SMYD3: variants seen among roughly 807,000 people sequenced by gnomAD.
SMYD3 encodes the protein histone-lysine N-methyltransferase SMYD3.
Under a neutral mutation model 57.7 loss-of-function variants are expected in SMYD3, and 36 were observed. That is an observed-to-expected ratio of 0.62 (90% confidence interval 0.48 to 0.82). The LOEUF (loss-of-function observed/expected upper bound fraction) is 0.82, where lower values mean the gene tolerates loss of function less well. Ranked by LOEUF, SMYD3 falls within the 40% of genes least tolerant of loss-of-function variation. The pLI, the probability that SMYD3 is intolerant of heterozygous loss-of-function variation, is 0.00. For missense variants in SMYD3, 515 were observed against 538.8 expected, an observed-to-expected ratio of 0.96 and a Z score of 0.44; for synonymous variants, 211 against 195.0, an observed-to-expected ratio of 1.08 and a Z score of -0.68.
At chr1:245,965,064 A>G (rs1558540163) in intron 5 of SMYD3, among the ~76,000 whole-genome samples, 1 of 152,176 alleles carries the variant, frequency 6.6e-6, no homozygotes, top group Non-Finnish European at 1.5e-5. Flanking sequence ...AAGAAAAAAA[A>G]TATTTAAAAA....
chr1:245,842,100 C>T (rs2050430630), intron 10 of SMYD3, among the ~76,000 whole-genome samples: 1 of 152,164 alleles, frequency 6.6e-6, no homozygotes, highest in African/African-American at 2.4e-5. Context: ...AGTAGGATTT[C>T]ACAATCTAGG....
intron 5 of SMYD3, among the ~76,000 whole-genome samples, chr1:246,217,386 A>T (rs10802355): frequency 6.6e-6 from 1 of 151,842 alleles, no homozygotes; most frequent in Non-Finnish European, 1.5e-5. Flanking sequence ...ATGTGTGCCT[A>T]TGGTCCCAGC....
chr1:246,487,028 T>C (rs2068198903), intron 1 of SMYD3, among the ~76,000 whole-genome samples: 1 of 152,206 alleles, frequency 6.6e-6, no homozygotes, highest in African/African-American at 2.4e-5. Context: ...TCTAGAACTA[T>C]ACTGAAGAAT....
chr1:245,784,993 G>A lies in SMYD3; in HGVS notation c.1077-20844C>T, dbSNP rs141303749. Among the ~76,000 whole-genome samples the A allele has an allele frequency of 2.0e-3, 299 of 151,916 alleles. 1 individual carries two copies. Among genetic ancestry groups the A allele is most frequent in the African/African-American group, 6.9e-3 (287 of 41,420 alleles). Reference sequence around the variant, plus strand: ...GTCTCCTGAGTAGCTGGGATTACAGGCATGTACCATCGTGCCCAGCTAATT... The same window carrying A: ...GTCTCCTGAGTAGCTGGGATTACAGACATGTACCATCGTGCCCAGCTAATT... On this transcript the variant is annotated intron_variant, in intron 10 of 11. Coordinates refer to ENST00000490107, the MANE Select transcript of SMYD3 (RefSeq NM_001167740.2).
chr1:246,465,538 A>C (rs1206465457), intron 1 of SMYD3, among the ~76,000 whole-genome samples: 1 of 152,208 alleles, frequency 6.6e-6, no homozygotes, highest in African/African-American at 2.4e-5. Flanking sequence ...AAGTATTAAA[A>C]GAACACCTAT....
intron 1 of SMYD3, among the ~76,000 whole-genome samples, chr1:246,465,963 G>T (rs2067875553): frequency 6.6e-6 from 1 of 152,126 alleles, no homozygotes; most frequent in Non-Finnish European, 1.5e-5. Context: ...GTAGAGATGG[G>T]GTTTTGCCAC....
chr1:246,372,584 G>A (rs2066210498), intron 1 of SMYD3, among the ~76,000 whole-genome samples: 1 of 152,150 alleles, frequency 6.6e-6, no homozygotes, highest in African/African-American at 2.4e-5. Flanking sequence ...TAACAGTGCT[G>A]AACATTTAAA....
intron 5 of SMYD3, among the ~76,000 whole-genome samples, chr1:246,287,932 T>C (rs79414358): frequency 0.025 from 3,823 of 152,206 alleles, 166 homozygotes; most frequent in African/African-American, 0.087. Flanking sequence ...TGAGCACAGC[T>C]GCAGGGTAGA....
intron 5 of SMYD3, among the ~76,000 whole-genome samples, chr1:246,040,087 A>G (rs1208087828): frequency 1.3e-5 from 2 of 152,246 alleles, no homozygotes; most frequent in Non-Finnish European, 2.9e-5. Context: ...TATTCAGTCA[A>G]CCTTACAAGA....
intron 5 of SMYD3, among the ~76,000 whole-genome samples, chr1:246,090,180 CAAAAG>C (rs1245512722): frequency 6.6e-6 from 1 of 152,000 alleles, no homozygotes; most frequent in Non-Finnish European, 1.5e-5. Flanking sequence ...TACTAGAGTA[CAAAAG>C]AAAAGATACA....
At chr1:245,855,041 T>C (rs538100113) in intron 10 of SMYD3, among the ~76,000 whole-genome samples, 14 of 152,324 alleles carry the variant, frequency 9.2e-5, no homozygotes, top group Admixed American at 6.5e-4. Context: ...CTTTTAGCCA[T>C]GTTTATCTTT....
chr1:246,227,723 T>C (rs12043382), intron 5 of SMYD3, among the ~76,000 whole-genome samples: 31,558 of 152,086 alleles, frequency 0.21, 3,993 homozygotes, highest in East Asian at 0.58. Flanking sequence ...AACTGGGTCC[T>C]TTTAGCCATC....
Position 246,082,770 on chromosome 1 carries a change from A to G in SMYD3, c.532-152833T>C, listed in dbSNP as rs529705371. Among the ~76,000 whole-genome samples, 34 of 152,256 alleles carry G rather than the reference A, an allele frequency of 2.2e-4. 2 individuals carry two copies. In the South Asian group the frequency reaches 6.9e-3, roughly 31 times the overall value. On this transcript the variant is annotated intron_variant, in intron 5 of 11. Coordinates refer to ENST00000490107, the MANE Select transcript of SMYD3 (RefSeq NM_001167740.2). ...AAGAGACTCCATTTTGTTCTGTACTAAGAAAAATTCTTCTGCCTTGGGATG... is the reference window on the plus strand; with the variant it reads ...AAGAGACTCCATTTTGTTCTGTACTGAGAAAAATTCTTCTGCCTTGGGATG...
chr1:246,504,125 T>C (rs896131171), intron 1 of SMYD3, among the ~76,000 whole-genome samples: 7 of 152,190 alleles, frequency 4.6e-5, no homozygotes, highest in African/African-American at 1.7e-4. Context: ...AGGTTCACCT[T>C]TCTCCATTAA....
intron 10 of SMYD3, among the ~76,000 whole-genome samples, chr1:245,800,355 T>C (rs574416475): frequency 1.3e-3 from 197 of 152,322 alleles, no homozygotes; most frequent in Non-Finnish European, 2.1e-3. Flanking sequence ...CTATACACTA[T>C]ATTTTGGTAA....
chr1:246,401,478 A>G (rs1360118924), intron 1 of SMYD3, among the ~76,000 whole-genome samples: 1 of 151,904 alleles, frequency 6.6e-6, no homozygotes, highest in Non-Finnish European at 1.5e-5. Context: ...GATTACAAGC[A>G]TGTGCCACCA....
intron 10 of SMYD3, among the ~76,000 whole-genome samples, chr1:245,849,096 C>G (rs2050820831): frequency 1.3e-5 from 2 of 152,158 alleles, no homozygotes; most frequent in Non-Finnish European, 2.9e-5. Flanking sequence ...CAAGGAGGCA[C>G]AGGACTGGGG....
chr1:246,066,079 A>G (rs1162570235), intron 5 of SMYD3, among the ~76,000 whole-genome samples: 2 of 152,242 alleles, frequency 1.3e-5, no homozygotes. Context: ...CAGTACATGC[A>G]GAGTTTTAAA....
chr1:246,266,861 G>A (rs762730248), intron 5 of SMYD3, among the ~76,000 whole-genome samples: 19 of 151,662 alleles, frequency 1.3e-4, no homozygotes, highest in Admixed American at 2.0e-4. Flanking sequence ...ATACTTTTTC[G>A]AGTAAAACCT....
Sources: gnomAD v4.1 joint callset for allele counts (sites outside exome capture counted in the v4.1 genomes callset) on GRCh38, gnomAD v4.1.1 for gene constraint, MANE v1.5 for transcripts, NCBI Gene and HGNC (gene_info 2026-07-23, HGNC 2026-07-21) for gene names.